Variants in ASXL1 observed in about 807,000 individuals in gnomAD.
ASXL1 encodes the protein ASXL transcriptional regulator 1.
ASXL1 carries 65 observed loss-of-function variants against 89.1 expected under a neutral mutation model. That is an observed-to-expected ratio of 0.73 (90% confidence interval 0.60 to 0.90). The LOEUF is 0.90. Among genes scored for constraint, ASXL1 ranks in the 40% least tolerant of loss-of-function variants. The pLI is 0.00. For missense variants in ASXL1, 1,786 were observed against 1,942.9 expected (o/e 0.92, Z 1.52); for synonymous variants, 739 against 746.9 (o/e 0.99, Z 0.17).
At chr20:32,408,211 G>A (rs934918005) in intron 4 of ASXL1, among the ~76,000 whole-genome samples, 1 of 151,962 alleles carries the variant, frequency 6.6e-6, no homozygotes, top group Non-Finnish European at 1.5e-5. Flanking sequence ...TGGGATTACA[G>A]GCTTGAGTCA....
At chr20:32,434,375 G>A in intron 12 of ASXL1, 57 bp from the exon 13 acceptor site, 1 of 1,595,858 alleles carries the variant, frequency 6.3e-7, no homozygotes, top group Non-Finnish European at 8.6e-7. Context: ...TTGCTTTACA[G>A]TCCCTAGGTC....
intron 4 of ASXL1, among the ~76,000 whole-genome samples, chr20:32,383,478 T>C (rs1426008815): frequency 6.6e-6 from 1 of 152,010 alleles, no homozygotes; most frequent in Non-Finnish European, 1.5e-5. Context: ...GGCTAATTTT[T>C]TTGTATTTTT....
chr20:32,400,321 G>T (rs1390939801), intron 4 of ASXL1, among the ~76,000 whole-genome samples: 2 of 152,092 alleles, frequency 1.3e-5, no homozygotes, highest in Non-Finnish European at 2.9e-5. Context: ...GGGTGCTGGG[G>T]ATATTTGTAT....
chr20:32,365,963 A>G (rs1216586037), intron 1 of ASXL1, among the ~76,000 whole-genome samples: 1 of 152,164 alleles, frequency 6.6e-6, no homozygotes, highest in Non-Finnish European at 1.5e-5. Flanking sequence ...AGTCTCTACT[A>G]AAATACAAAA....
Position 32,434,485 on chromosome 20 carries a change from C to T in ASXL1, c.1773C>T (p.Tyr591=), listed in dbSNP as rs371369583. ...PPWVVKGQPT[Y]QICPRIIPTT... is the part of the protein sequence containing the mutation. ...GGGTGGTTAAAGGTCAGCCCACTTACCAGATATGCCCCCGGATCATCCCCA... is the reference window on the plus strand; with the variant it reads ...GGGTGGTTAAAGGTCAGCCCACTTATCAGATATGCCCCCGGATCATCCCCA... Residue 591 remains tyrosine, a synonymous_variant, in exon 13 of 13, where the codon TAC becomes TAT. Transcript: ENST00000375687. The T allele has an allele frequency of 6.2e-7, 1 of 1,614,090 alleles. No individual in the cohort carries two copies. The highest frequency in any genetic ancestry group is 8.5e-7 in the Non-Finnish European group (1 of 1,180,004).
At chr20:32,370,704 G>C (rs931477224) in intron 4 of ASXL1, among the ~76,000 whole-genome samples, 1 of 151,894 alleles carries the variant, frequency 6.6e-6, no homozygotes, top group Non-Finnish European at 1.5e-5. Flanking sequence ...CATAAAACTT[G>C]GTCTTTATAT....
chr20:32,384,832 ACTTCAGAG>A (rs1458927932), intron 4 of ASXL1, among the ~76,000 whole-genome samples: 1 of 152,160 alleles, frequency 6.6e-6, no homozygotes, highest in African/African-American at 2.4e-5. Flanking sequence ...CAGGATGCTT[ACTTCAGAG>A]GTGCTAAAGA....
Position 32,433,709 on chromosome 20 carries a change from C to G in ASXL1, c.1511C>G (p.Pro504Arg), listed in dbSNP as rs1246107812. 1.2e-6 allele frequency: 2 copies of G among 1,612,858 alleles called. No homozygotes were observed. Among genetic ancestry groups the G allele is most frequent in the Admixed American group, 3.3e-5 (2 of 59,932 alleles). Residue 504 changes from proline to arginine, a missense_variant, in exon 12 of 13, where the codon CCA becomes CGA. This residue lies in a region of ASXL1 where 1,418 missense variants were observed against 1,427.8 expected (regional missense o/e 0.99). Coordinates refer to ENST00000375687, the MANE Select transcript of ASXL1 (RefSeq NM_015338.6). ...AACTTGGCACGTGCCTCTGCATCTC[C>G]AGACAGAATTCCTAGCCTGCCTCAG... ...PDNLARASAS[P>R]DRIPSLPQET...
At chr20:32,371,683 G>A (rs1295505699) in intron 4 of ASXL1, 7 of 391,750 alleles carry the variant, frequency 1.8e-5, no homozygotes, top group Admixed American at 7.8e-5. Context: ...ATAGCTCACC[G>A]TAGCCTTGAA....
chr20:32,360,696 G>A (rs1190667748), intron 1 of ASXL1: 1 of 162,170 alleles, frequency 6.2e-6, no homozygotes, highest in African/African-American at 2.4e-5. Flanking sequence ...AGGAATTTGG[G>A]GTCCACTGTT....
intron 4 of ASXL1, among the ~76,000 whole-genome samples, chr20:32,385,840 A>G (rs2048570797): frequency 6.6e-6 from 1 of 152,318 alleles, no homozygotes; most frequent in South Asian, 2.1e-4. Context: ...ATGGTTTCCC[A>G]TGGCAGTTGC....
intron 4 of ASXL1, among the ~76,000 whole-genome samples, chr20:32,396,769 T>C (rs2048769006): frequency 6.6e-6 from 1 of 152,130 alleles, no homozygotes; most frequent in African/African-American, 2.4e-5. Context: ...ATAAAAAATT[T>C]TTTTGAGCTC....
At chr20:32,358,872 GTGGGGGGGGCTCGCCGCGCACCCCCCCAC>G (rs1267417476) in intron 1 of ASXL1, 40 bp downstream of exon 1, 38 of 1,471,490 alleles carry the variant, frequency 2.6e-5, no homozygotes, top group African/African-American at 8.9e-5. Context: ...GGGGCCCGGG[GTGGGGGGGGCTCGCCGCGCACCCCCCCAC>G]TGGGGGGGGA....
At chr20:32,419,078 G>T (rs985531803) in intron 4 of ASXL1, among the ~76,000 whole-genome samples, 1 of 151,866 alleles carries the variant, frequency 6.6e-6, no homozygotes, top group Non-Finnish European at 1.5e-5. Context: ...TGATCTGCCC[G>T]CCTTAGCCTC....
intron 4 of ASXL1, among the ~76,000 whole-genome samples, chr20:32,407,700 A>G (rs2048979352): frequency 1.3e-5 from 2 of 152,136 alleles, no homozygotes; most frequent in African/African-American, 4.8e-5. Flanking sequence ...CCTAGGCTCA[A>G]GTGATCATCC....
intron 4 of ASXL1, among the ~76,000 whole-genome samples, chr20:32,376,047 A>G (rs572423533): frequency 6.6e-6 from 1 of 151,896 alleles, no homozygotes; most frequent in Admixed American, 6.6e-5. Flanking sequence ...GGAATCCTTT[A>G]TGTTTTACTG....
intron 4 of ASXL1, among the ~76,000 whole-genome samples, chr20:32,392,131 A>C (rs1194184685): frequency 6.6e-6 from 1 of 151,778 alleles, no homozygotes; most frequent in Non-Finnish European, 1.5e-5. Context: ...ATTTATTTTT[A>C]GAGCCAAGGT....
chr20:32,396,612 T>C (rs1028584898), intron 4 of ASXL1, among the ~76,000 whole-genome samples: 12 of 152,256 alleles, frequency 7.9e-5, no homozygotes, highest in African/African-American at 2.9e-4. Context: ...ATTGGCACTC[T>C]GGTTCCCAGA....
intron 1 of ASXL1, 105 bp downstream of exon 1, chr20:32,358,937 A>T (rs1167892313): frequency 2.3e-5 from 27 of 1,182,004 alleles, no homozygotes; most frequent in Middle Eastern, 6.1e-4. Context: ...CCACCGCGGG[A>T]GGGGGCGGGG....
Sources: gnomAD v4.1 joint callset for allele counts (sites outside exome capture counted in the v4.1 genomes callset) on GRCh38, gnomAD v4.1.1 for gene constraint, gnomAD v4.1.1 regional missense constraint, MANE v1.5 for transcripts, NCBI Gene and HGNC (gene_info 2026-07-23, HGNC 2026-07-21) for gene names.